The following KCNH8 variants were observed in gnomAD, a reference collection of about 807,000 sequenced individuals.
KCNH8 encodes voltage-gated delayed rectifier potassium channel KCNH8.
Under a neutral mutation model 103.6 loss-of-function variants are expected in KCNH8, and 70 were observed. That is an observed-to-expected ratio of 0.68 (90% CI 0.56 to 0.82). KCNH8 has a LOEUF of 0.82. KCNH8 is among the 40% of genes least tolerant of loss of function. The pLI is 0.00. For missense variants in KCNH8, 1,217 were observed against 1,329.9 expected (o/e 0.92, Z 1.32); for synonymous variants, 498 against 489.4 (o/e 1.02, Z -0.23).
intron 8 of KCNH8, among the ~76,000 whole-genome samples, chr3:19,438,638 C>T (rs2067235573): frequency 6.6e-6 from 1 of 152,170 alleles, no homozygotes; most frequent in Admixed American, 6.5e-5. Context: ...TTACCTCATC[C>T]AGCTTACTGT....
Position 19,299,104 on chromosome 3 carries a change from C to G in KCNH8, c.442+17775C>G, listed in dbSNP as rs191368018. On this transcript the variant is annotated intron_variant, in intron 3 of 15. Transcript: ENST00000328405. ...AACTGAAAGGTGACACTGACAGTGT[C>G]CCTTGGTGTAGGGATGTAGGGATGT... is the stretch of plus-strand genomic sequence containing the variant. Among the ~76,000 whole-genome samples the G allele has an allele frequency of 2.2e-3, 332 of 152,068 alleles. 3 individuals carry two copies. Among genetic ancestry groups the G allele is most frequent in the African/African-American group, 7.4e-3 (307 of 41,472 alleles).
intron 2 of KCNH8, among the ~76,000 whole-genome samples, chr3:19,256,890 A>G (rs1053085329): frequency 2.6e-5 from 4 of 152,116 alleles, no homozygotes; most frequent in Non-Finnish European, 5.9e-5. Flanking sequence ...GAAAATTGCC[A>G]TCTACCTTAG....
At chr3:19,244,701 T>C (rs2064182682) in intron 1 of KCNH8, among the ~76,000 whole-genome samples, 1 of 152,224 alleles carries the variant, frequency 6.6e-6, no homozygotes, top group African/African-American at 2.4e-5. Flanking sequence ...GGGTTTTGAT[T>C]TGCATTTCTC....
rs747712296 is a variant in KCNH8, at chr3:19,533,695, G to T, written c.2920G>T (p.Gly974Ter). 6.2e-7 allele frequency: 1 copy of T among 1,614,156 alleles called. No individual in the cohort carries two copies. The highest frequency in any genetic ancestry group is 2.2e-5 in the East Asian group (1 of 44,880). The change falls in exon 16 of 16, where the codon GGA becomes TGA. Residue 974 changes from glycine to a stop codon, truncating the protein, a stop_gained. Coordinates refer to ENST00000328405, the MANE Select transcript of KCNH8 (RefSeq NM_144633.3). LOFTEE classifies it high-confidence loss of function. ...TGTGGGGAGCAGCCCCCAACGAACT[G>T]GAGCTCATGAGCAAAATCCTGCAGA... Reference protein sequence around the residue: ...SSVGSSPQRTGAHEQNPADSE... With the variant: ...SSVGSSPQRT
At chr3:19,196,033 C>G (rs866051523) in intron 1 of KCNH8, among the ~76,000 whole-genome samples, 1 of 151,868 alleles carries the variant, frequency 6.6e-6, no homozygotes, top group Middle Eastern at 3.4e-3. Flanking sequence ...TTAAAATAGC[C>G]CAAGTTAGTT....
At chr3:19,166,168 G>A (rs993727543) in intron 1 of KCNH8, among the ~76,000 whole-genome samples, 3 of 152,028 alleles carry the variant, frequency 2.0e-5, no homozygotes, top group Non-Finnish European at 4.4e-5. Flanking sequence ...AAAATAACAC[G>A]TTTCAAAAAT....
chr3:19,349,727 A>G (rs940121578), intron 5 of KCNH8, among the ~76,000 whole-genome samples: 5 of 152,070 alleles, frequency 3.3e-5, no homozygotes, highest in African/African-American at 1.2e-4. Flanking sequence ...AGATATTTTA[A>G]AAGTTTTTGT....
intron 11 of KCNH8, among the ~76,000 whole-genome samples, chr3:19,477,808 T>G (rs935106240): frequency 1.3e-5 from 2 of 152,174 alleles, no homozygotes; most frequent in Non-Finnish European, 2.9e-5. Flanking sequence ...GAAATACAAG[T>G]ACAGATTCCT....
intron 1 of KCNH8, among the ~76,000 whole-genome samples, chr3:19,154,865 A>G (rs374943344): frequency 4.5e-4 from 69 of 152,332 alleles, no homozygotes; most frequent in African/African-American, 1.5e-3. Flanking sequence ...TGCTGCAAAG[A>G]TAGTATGCTT....
At chr3:19,270,822 A>C (rs2064577650) in intron 2 of KCNH8, among the ~76,000 whole-genome samples, 1 of 152,144 alleles carries the variant, frequency 6.6e-6, no homozygotes, top group Admixed American at 6.6e-5. Context: ...TATACACTGG[A>C]GAATTGTCAT....
intron 2 of KCNH8, among the ~76,000 whole-genome samples, chr3:19,278,450 G>T (rs1049313033): frequency 1.3e-4 from 18 of 133,550 alleles, no homozygotes; most frequent in African/African-American, 2.0e-4. Flanking sequence ...AGAAAGGCAG[G>T]CAGGAAGGAA....
rs915262754 is a variant in KCNH8 at position 19,148,657 on chromosome 3, C to T, written c.-63C>T. On this transcript the variant is annotated 5_prime_UTR_variant, in exon 1 of 16. Coordinates refer to ENST00000328405, the MANE Select transcript of KCNH8 (RefSeq NM_144633.3). ...AGGTTCCCCTTCTCCCTTCTTGGCA[C>T]TTTCCTTTCGAACCATCCTTCTGGA... 5.1e-5 allele frequency: 78 copies of T among 1,537,374 alleles called. No individual in the cohort carries two copies. Among genetic ancestry groups the T allele is most frequent in the Non-Finnish European group, 6.9e-5 (77 of 1,109,618 alleles).
chr3:19,200,900 TAA>T (rs994083180), intron 1 of KCNH8, among the ~76,000 whole-genome samples: 1 of 151,680 alleles, frequency 6.6e-6, no homozygotes, highest in African/African-American at 2.4e-5. Context: ...TTGAAGTATG[TAA>T]AAAAAATTAT....
chr3:19,364,107 T>A (rs1325931338), intron 5 of KCNH8, among the ~76,000 whole-genome samples: 1 of 152,068 alleles, frequency 6.6e-6, no homozygotes, highest in Non-Finnish European at 1.5e-5. Context: ...CCTCTTTAAA[T>A]CTCATTTTTC....
intron 1 of KCNH8, among the ~76,000 whole-genome samples, chr3:19,169,255 C>CTTTTTTTTTT (rs768036667): frequency 1.3e-4 from 16 of 124,964 alleles, no homozygotes; most frequent in African/African-American, 2.9e-4. Flanking sequence ...TTCTTTCTTT[C>CTTTTTTTTTT]TTTTTTTTTT....
chr3:19,329,541 C>G (rs1164794751), intron 3 of KCNH8, among the ~76,000 whole-genome samples: 1 of 151,872 alleles, frequency 6.6e-6, no homozygotes, highest in Non-Finnish European at 1.5e-5. Flanking sequence ...TTATTCTCTT[C>G]TAGTTTTGAC....
chr3:19,443,050 T>C (rs2067305755), intron 8 of KCNH8, among the ~76,000 whole-genome samples: 1 of 151,804 alleles, frequency 6.6e-6, no homozygotes, highest in Non-Finnish European at 1.5e-5. Flanking sequence ...TTACTTAATT[T>C]TTATAAATAT....
At chr3:19,181,457 A>C (rs1434594878) in intron 1 of KCNH8, among the ~76,000 whole-genome samples, 1 of 152,192 alleles carries the variant, frequency 6.6e-6, no homozygotes, top group East Asian at 1.9e-4. Context: ...TGAATAAATT[A>C]ATGATATGTA....
chr3:19,341,704 A>G (rs573089349), intron 3 of KCNH8, among the ~76,000 whole-genome samples: 26 of 152,152 alleles, frequency 1.7e-4, no homozygotes, highest in Non-Finnish European at 2.2e-4. Flanking sequence ...TATTTAAAGC[A>G]TGCTCATCCA....
Sources: allele counts gnomAD v4.1 joint callset (sites outside exome capture counted in the v4.1 genomes callset), GRCh38; gene constraint gnomAD v4.1.1; transcripts MANE v1.5; gene names NCBI Gene and HGNC (gene_info 2026-07-23, HGNC 2026-07-21).